Variants in SCOC observed in about 807,000 individuals in gnomAD.
SCOC encodes the protein short coiled-coil protein, also known as short coiled coil protein.
A neutral mutation model predicts 9.9 loss-of-function variants in SCOC; 7 were observed. The ratio of observed to expected loss-of-function variants is 0.71; its 90% confidence interval spans 0.40 to 1.33. The LOEUF (loss-of-function observed/expected upper bound fraction) is 1.33, where lower values mean the gene tolerates loss of function less well. Ranked by LOEUF, SCOC falls within the 40% of genes most tolerant of loss-of-function variation. The pLI, the probability that SCOC is intolerant of heterozygous loss-of-function variation, is 0.01. For synonymous variants in SCOC, 19 were observed against 28.2 expected (o/e 0.67, Z 1.03); for missense variants, 66 against 89.7 (o/e 0.74, Z 1.07).
intron 1 of SCOC, among the ~76,000 whole-genome samples, chr4:140,336,875 T>A (rs1219249255): frequency 6.6e-6 from 1 of 152,216 alleles, no homozygotes; most frequent in African/African-American, 2.4e-5. Context: ...TTTCTCCATA[T>A]CTTCACCAAT....
At chr4:140,330,656 C>A (rs1732792364) in intron 1 of SCOC, among the ~76,000 whole-genome samples, 1 of 152,112 alleles carries the variant, frequency 6.6e-6, no homozygotes, top group African/African-American at 2.4e-5. Flanking sequence ...TTATTGAAGT[C>A]AGATTTAATT....
chr4:140,326,652 CCT>C (rs201307102), intron 1 of SCOC, among the ~76,000 whole-genome samples: 12 of 143,750 alleles, frequency 8.3e-5, no homozygotes, highest in South Asian at 6.7e-4. Flanking sequence ...GACCCCCCCC[CCT>C]ACACTGTTAG....
chr4:140,369,181 T>C (rs1727933697), upstream of SCOC: 1 of 234,236 alleles, frequency 4.3e-6, no homozygotes, highest in Admixed American at 5.2e-5. Flanking sequence ...TGAGAAAGTA[T>C]ACATGAACAC....
intron 1 of SCOC, among the ~76,000 whole-genome samples, chr4:140,316,654 C>T (rs1732327930): frequency 6.6e-6 from 1 of 152,076 alleles, no homozygotes; most frequent in South Asian, 2.1e-4. Flanking sequence ...TTCAAAGTGC[C>T]TTTCCCTTGC....
chr4:140,355,653 G>T (rs1211066484), intron 2 of SCOC, among the ~76,000 whole-genome samples: 1 of 152,170 alleles, frequency 6.6e-6, no homozygotes, highest in Non-Finnish European at 1.5e-5. Flanking sequence ...ATGTTATGAG[G>T]TCATTGTTTC....
At chr4:140,342,228 T>G (rs1726542228), upstream of SCOC, among the ~76,000 whole-genome samples, 1 of 152,158 alleles carries the variant, frequency 6.6e-6, no homozygotes, top group Non-Finnish European at 1.5e-5. Flanking sequence ...ACTCCTTCAC[T>G]GAGAAAGCAC....
intron 1 of SCOC, among the ~76,000 whole-genome samples, chr4:140,279,172 C>T (rs964250183): frequency 2.6e-5 from 4 of 152,156 alleles, no homozygotes; most frequent in African/African-American, 7.2e-5. Flanking sequence ...CTCTCATTCT[C>T]CACTGTGTTT....
chr4:140,366,672 C>T (rs1288811254), intron 2 of SCOC: 18 of 1,599,832 alleles, frequency 1.1e-5, no homozygotes, highest in Non-Finnish European at 1.5e-5. Flanking sequence ...TGTGTGGAAA[C>T]TTGAGGTTGA....
intron 1 of SCOC, among the ~76,000 whole-genome samples, chr4:140,317,008 T>C (rs1236271717): frequency 6.6e-6 from 1 of 152,140 alleles, no homozygotes; most frequent in East Asian, 1.9e-4. Context: ...TTCTGCAGTG[T>C]GAAGGTGTCT....
At chr4:140,374,172 C>A (rs1298997191) in intron 1 of SCOC, 1 of 458,826 alleles carries the variant, frequency 2.2e-6, no homozygotes, top group Non-Finnish European at 4.4e-6. Flanking sequence ...GCCTAGAGAG[C>A]CGTAAAATAA....
At chr4:140,357,791 G>A (rs777208138) in intron 2 of SCOC, among the ~76,000 whole-genome samples, 18 of 152,154 alleles carry the variant, frequency 1.2e-4, no homozygotes, top group Admixed American at 6.5e-4. Context: ...CTAACCCATC[G>A]TAGTTGGTAT....
intron 1 of SCOC, among the ~76,000 whole-genome samples, chr4:140,262,833 G>T (rs1346863488): frequency 6.6e-6 from 1 of 151,884 alleles, no homozygotes; most frequent in Admixed American, 6.6e-5. Context: ...GAGAGAGAGA[G>T]AGTGAAGGGG....
At chr4:140,371,089 GT>G (rs1728035043), upstream of SCOC, among the ~76,000 whole-genome samples, 1 of 151,912 alleles carries the variant, frequency 6.6e-6, no homozygotes, top group Non-Finnish European at 1.5e-5. Context: ...GTTTCACCGT[GT>G]TAGCCAGGAT....
intron 1 of SCOC, among the ~76,000 whole-genome samples, chr4:140,291,781 T>C (rs1417656389): frequency 1.3e-5 from 2 of 152,194 alleles, no homozygotes; most frequent in African/African-American, 4.8e-5. Context: ...GGGGCTGTGA[T>C]AATACTGCAG....
intron 2 of SCOC, among the ~76,000 whole-genome samples, chr4:140,356,369 T>A (rs1727229849): frequency 6.6e-6 from 1 of 152,082 alleles, no homozygotes; most frequent in African/African-American, 2.4e-5. Context: ...ACCAATAACA[T>A]CAGGAAAATG....
chr4:140,350,406 A>T (rs945331383), intron 2 of SCOC, among the ~76,000 whole-genome samples: 4 of 152,274 alleles, frequency 2.6e-5, no homozygotes, highest in Non-Finnish European at 4.4e-5. Flanking sequence ...GTGTGTTGGG[A>T]TAAGTGCCAG....
chr4:140,279,076 G>A (rs1193417963), intron 1 of SCOC, among the ~76,000 whole-genome samples: 1 of 152,076 alleles, frequency 6.6e-6, no homozygotes, highest in East Asian at 1.9e-4. Context: ...ACTTCACCCA[G>A]CCTCATCTAG....
chr4:140,366,288 CCCTT>C, intron 2 of SCOC: 1 of 1,404,586 alleles, frequency 7.1e-7, no homozygotes, highest in Non-Finnish European at 9.4e-7. Context: ...AGCTTTTTGA[CCCTT>C]CTGAGCTTTT....
At chr4:140,289,745 G>T (rs1731413435) in intron 1 of SCOC, among the ~76,000 whole-genome samples, 1 of 152,200 alleles carries the variant, frequency 6.6e-6, no homozygotes, top group Non-Finnish European at 1.5e-5. Context: ...GAAGCCAGCA[G>T]TTTTGGGTCC....
Sources: allele counts gnomAD v4.1 joint callset (sites outside exome capture counted in the v4.1 genomes callset), GRCh38; gene constraint gnomAD v4.1.1; transcripts MANE v1.5; gene names NCBI Gene and HGNC (gene_info 2026-07-23, HGNC 2026-07-21).